Variants in RNF111 observed in about 807,000 individuals in gnomAD.
The protein encoded by RNF111 is ring finger protein 111.
RNF111 carries 17 observed loss-of-function variants against 95.1 expected under a neutral mutation model. The observed-to-expected ratio is 0.18, with a 90% CI of 0.12 to 0.27. The LOEUF (loss-of-function observed/expected upper bound fraction) is 0.27. RNF111 is among the 10% of genes least tolerant of loss of function. RNF111 has a pLI of 1.00. For missense variants in RNF111, 1,189 were observed against 1,210.4 expected, an observed-to-expected ratio of 0.98 and a Z score of 0.26; for synonymous variants, 440 against 414.8, an observed-to-expected ratio of 1.06 and a Z score of -0.74.
chr15:59,058,949 C>G (rs1229473607), intron 5 of RNF111, among the ~76,000 whole-genome samples: 1 of 152,022 alleles, frequency 6.6e-6, no homozygotes, highest in African/African-American at 2.4e-5. Flanking sequence ...ATCTGATAAG[C>G]ACTTTAGAAT....
chr15:59,034,929 C>T (rs1337594515), intron 2 of RNF111, among the ~76,000 whole-genome samples: 1 of 152,180 alleles, frequency 6.6e-6, no homozygotes, highest in East Asian at 1.9e-4. Context: ...AATCCATTGT[C>T]ACGCTGCTAA....
chr15:59,011,051 G>T (rs1443027752), intron 1 of RNF111, among the ~76,000 whole-genome samples: 1 of 152,158 alleles, frequency 6.6e-6, no homozygotes, highest in African/African-American at 2.4e-5. Context: ...ATGAAAAATT[G>T]TCTATCAGAA....
In RNF111 at chr15:59,067,978, C is replaced by T. The variant is rs576280127; in HGVS notation, c.1686+895C>T. ...AATTAGTTGGTATTATTATTGAGTT[C>T]GCAAAATGTCAACTAGTATTAAATT... On this transcript the variant is annotated intron_variant, in intron 6 of 13. Transcript: ENST00000348370. Among the ~76,000 whole-genome samples, 46 of 152,238 alleles carry T rather than the reference C, an allele frequency of 3.0e-4. No individual in the cohort carries two copies. In the East Asian group the frequency reaches 5.2e-3, roughly 17 times the overall value.
intron 6 of RNF111, 55 bp downstream of exon 6, chr15:59,067,138 T>A (rs1468469657): frequency 2.2e-6 from 3 of 1,390,430 alleles, no homozygotes; most frequent in Non-Finnish European, 3.0e-6. Context: ...TCTCTCTCTC[T>A]CTCCTTCTCC....
chr15:59,075,210 CT>C (rs1188300537), intron 6 of RNF111, among the ~76,000 whole-genome samples: 1 of 152,178 alleles, frequency 6.6e-6, no homozygotes, highest in Admixed American at 6.5e-5. Context: ...CTCTGATAGA[CT>C]TGCTTGACAC....
At chr15:59,039,405 C>G (rs1256183148) in intron 2 of RNF111, among the ~76,000 whole-genome samples, 2 of 152,204 alleles carry the variant, frequency 1.3e-5, no homozygotes, top group African/African-American at 4.8e-5. Flanking sequence ...TGATTTTCTT[C>G]TTTCATTTAC....
intron 3 of RNF111, among the ~76,000 whole-genome samples, chr15:59,054,515 A>G (rs1250977400): frequency 1.3e-5 from 2 of 152,056 alleles, no homozygotes; most frequent in African/African-American, 2.4e-5. Context: ...AAATGGTGGT[A>G]TCTTTCCTCA....
At chr15:59,018,709 A>T (rs1380208873) in intron 1 of RNF111, among the ~76,000 whole-genome samples, 1 of 152,206 alleles carries the variant, frequency 6.6e-6, no homozygotes, top group Non-Finnish European at 1.5e-5. Context: ...AGAATCCTAT[A>T]ATAGCAGACT....
At chr15:59,012,965 C>G (rs1244681479) in intron 1 of RNF111, among the ~76,000 whole-genome samples, 2 of 152,108 alleles carry the variant, frequency 1.3e-5, no homozygotes, top group Non-Finnish European at 2.9e-5. Context: ...TCTTGAACTC[C>G]TGACCTCAGG....
At chr15:59,070,264 C>T (rs1484983985) in intron 6 of RNF111, among the ~76,000 whole-genome samples, 1 of 151,906 alleles carries the variant, frequency 6.6e-6, no homozygotes, top group Non-Finnish European at 1.5e-5. Context: ...CTTGATTGTC[C>T]TTCGGGAATA....
intron 5 of RNF111, among the ~76,000 whole-genome samples, chr15:59,062,100 A>G (rs1306129041): frequency 1.4e-5 from 2 of 138,500 alleles, no homozygotes; most frequent in African/African-American, 5.5e-5. Context: ...TTTGTCACGT[A>G]GGCTAGAGTG....
chr15:59,086,123 T>G (rs1340590316), intron 10 of RNF111, among the ~76,000 whole-genome samples: 1 of 152,100 alleles, frequency 6.6e-6, no homozygotes, highest in Non-Finnish European at 1.5e-5. Flanking sequence ...CTTGATTTTC[T>G]TTTTTCTTTT....
At chr15:59,091,968 C>T (rs995135713) in intron 12 of RNF111, among the ~76,000 whole-genome samples, 3 of 152,204 alleles carry the variant, frequency 2.0e-5, no homozygotes, top group Admixed American at 2.0e-4. Flanking sequence ...TGCTCGCTCA[C>T]CTGCCACTCA....
rs1285821765 is a variant in RNF111 at position 59,084,372 on chromosome 15, GT to G, written c.2423+121del. ...ATGATGTGGAGAAACCTAATCCCCA[GT>G]TTAACTGAGACACTGCCTCTGGGCA... On this transcript the variant is annotated intron_variant, in intron 9 of 13. Coordinates refer to ENST00000348370, the MANE Select transcript of RNF111 (RefSeq NM_017610.8). 3 of 1,007,268 alleles carry G rather than the reference GT, an allele frequency of 3.0e-6. No individual in the cohort carries two copies. The Admixed American group carries it at 9.5e-5, about 32-fold the overall frequency. 62.4% of individuals were successfully genotyped at this position (1,007,268 alleles called of 1,614,324 possible). A position where few individuals can be genotyped will look rare whatever the true frequency, so the allele number is the denominator to read the frequency against.
intron 2 of RNF111, among the ~76,000 whole-genome samples, chr15:59,041,129 A>T (rs1370967915): frequency 6.6e-6 from 1 of 152,108 alleles, no homozygotes; most frequent in African/African-American, 2.4e-5. Flanking sequence ...CGTATATCTC[A>T]TTTCTTTTTA....
At chr15:59,084,286 T>G in intron 9 of RNF111, 32 bp downstream of exon 9, 1 of 1,525,574 alleles carries the variant, frequency 6.6e-7, no homozygotes, top group Non-Finnish European at 8.8e-7. Context: ...AAAACAGTGC[T>G]TCACAGCTTG....
chr15:59,055,095 A>G (rs1343847247), intron 3 of RNF111, among the ~76,000 whole-genome samples: 2 of 152,224 alleles, frequency 1.3e-5, no homozygotes, highest in Admixed American at 1.3e-4. Context: ...GTGTTTTAGA[A>G]GCATAAACTA....
chr15:59,023,360 A>G (rs1223298421), intron 1 of RNF111, among the ~76,000 whole-genome samples: 7 of 152,128 alleles, frequency 4.6e-5, no homozygotes, highest in Non-Finnish European at 5.9e-5. Context: ...CGTAACTGAC[A>G]TTGTTATAAT....
At chr15:59,083,871 A>G in intron 8 of RNF111, 1 of 184,878 alleles carries the variant, frequency 5.4e-6, no homozygotes. Context: ...ATAATGTTAA[A>G]ATTACTTTTT....
Sources: gnomAD v4.1 joint callset for allele counts (sites outside exome capture counted in the v4.1 genomes callset) on GRCh38, gnomAD v4.1.1 for gene constraint, MANE v1.5 for transcripts, NCBI Gene and HGNC (gene_info 2026-07-23, HGNC 2026-07-21) for gene names.